The following RPS6KL1 variants were observed in gnomAD, a reference collection of about 807,000 sequenced individuals.
The protein encoded by RPS6KL1 is ribosomal protein S6 kinase like 1.
In RPS6KL1, 41 loss-of-function variants were observed where a neutral mutation model predicts 57.0. The ratio of observed to expected loss-of-function variants is 0.72; its 90% CI spans 0.56 to 0.93. The LOEUF is 0.93. Ranked by LOEUF, RPS6KL1 falls within the 40% of genes least tolerant of loss-of-function variation. The pLI is 0.00. For missense variants in RPS6KL1, 697 were observed against 727.7 expected (o/e 0.96, Z 0.49); for synonymous variants, 287 against 309.7 (o/e 0.93, Z 0.77).
intron 5 of RPS6KL1, among the ~76,000 whole-genome samples, chr14:74,912,710 T>C (rs1301029149): frequency 6.6e-6 from 1 of 152,084 alleles, no homozygotes; most frequent in East Asian, 1.9e-4. Flanking sequence ...AGTTTATCTA[T>C]GTGAAAAACC....
At position 74,918,587 on chromosome 14, in the gene RPS6KL1, G is replaced by A. The variant is rs1401462239; in HGVS notation, c.409C>T (p.Leu137Phe). The A allele has an allele frequency of 3.3e-6, 5 of 1,534,178 alleles. No homozygotes were observed. The highest frequency in any genetic ancestry group is 1.7e-4 in the Middle Eastern group (1 of 6,008). ...SPSAGFSSLR[L>F]RPIRTLSSAV... Reference sequence around the variant, plus strand: ...GAGCTCAGCGTGCGAATGGGCCGGAGCCTCAGGCTGCTGAAACCCTGCAGA... The same window carrying A: ...GAGCTCAGCGTGCGAATGGGCCGGAACCTCAGGCTGCTGAAACCCTGCAGA... The change falls in exon 5 of 12, where the codon CTC becomes TTC. Residue 137 changes from leucine (L) to phenylalanine (F), a missense_variant. Transcript: ENST00000557413.
In RPS6KL1 at chr14:74,919,827, T is replaced by TGGGG. The variant is rs60425478; in HGVS notation, c.390+14_390+17dup. On this transcript the variant is annotated intron_variant, in intron 4 of 11. Transcript: ENST00000557413. ...CCCTCCTCCCGCTCAGGCCTTTGGG[T>TGGGG]GGGGGGGGTCTCCTCACCGCGCTGG... 16 of 1,587,270 alleles carry TGGGG rather than the reference T, an allele frequency of 1.0e-5. No individual in the cohort carries two copies. The highest frequency in any genetic ancestry group is 1.7e-5 in the Admixed American group (1 of 59,566).
chr14:74,905,118 G>A lies in RPS6KL1; in HGVS notation c.*1896C>T, dbSNP rs905472553. The A allele has an allele frequency of 6.6e-6, 1 of 152,124 alleles. No individual in the cohort carries two copies. The highest frequency in any genetic ancestry group is 1.5e-5 in the Non-Finnish European group (1 of 68,014). The allele number at this position is 152,124 out of a possible 1,614,324, so 9.4% of individuals were successfully genotyped here. A position where few individuals can be genotyped will look rare whatever the true frequency, so the allele number is the denominator to read the frequency against. ...TAGGCATTATTTACCCCATTTTATC[G>A]AAAGGAGGTCGACTGTAAGAGCTGG... On this transcript the variant is annotated 3_prime_UTR_variant, in exon 12 of 12. Transcript: ENST00000557413.
chr14:74,913,604 T>C (rs1181156295), intron 5 of RPS6KL1, among the ~76,000 whole-genome samples: 2 of 152,052 alleles, frequency 1.3e-5, no homozygotes, highest in Non-Finnish European at 2.9e-5. Flanking sequence ...AAGCCCTTGG[T>C]GAGTGGAAAG....
intron 5 of RPS6KL1, among the ~76,000 whole-genome samples, chr14:74,912,786 G>A (rs1035110165): frequency 2.1e-4 from 32 of 152,334 alleles, no homozygotes; most frequent in African/African-American, 6.0e-4. Flanking sequence ...TTGAGAGGCC[G>A]TCTTTGGAGA....
rs1885644637 is a variant in RPS6KL1 at position 74,909,995 on chromosome 14, TGGCCAGGGGCATG to T, written c.805_817del (p.His269ArgfsTer17). On this transcript the variant is annotated frameshift_variant, in exon 8 of 12. Transcript: ENST00000557413. LOFTEE classifies it high-confidence loss of function. Reference sequence around the variant, plus strand: ...AGGAGGCTCCAGGGCGATTCTGTCCTGGCCAGGGGCATGGCCTGAGGGAAGCCTCGCTGGGGTC... The same window carrying T: ...AGGAGGCTCCAGGGCGATTCTGTCCTGCCTGAGGGAAGCCTCGCTGGGGTC... 1 of 1,613,932 alleles carries T rather than the reference TGGCCAGGGGCATG, an allele frequency of 6.2e-7. No individual in the cohort carries two copies. The highest frequency in any genetic ancestry group is 1.1e-5 in the South Asian group (1 of 91,086).
At chr14:74,911,626 T>C (rs1373358766) in intron 6 of RPS6KL1, 168 bp downstream of exon 6, 8 of 693,000 alleles carry the variant, frequency 1.2e-5, no homozygotes, top group East Asian at 5.4e-5. Flanking sequence ...TATGTGTGTG[T>C]GTGCATGCAT....
In RPS6KL1 at chr14:74,905,906, T is replaced by A. The variant is rs117720502; in HGVS notation, c.*1108A>T. ...CAGGGAGGAGCTGAGGGCAAAACTCTAGTGGAAATTTCCCAGGTCGGTCCC... is the reference window on the plus strand; with the variant it reads ...CAGGGAGGAGCTGAGGGCAAAACTCAAGTGGAAATTTCCCAGGTCGGTCCC... On this transcript the variant is annotated 3_prime_UTR_variant, in exon 12 of 12. Coordinates refer to ENST00000557413, the MANE Select transcript of RPS6KL1 (RefSeq NM_031464.5). 1 of 153,118 alleles carries A rather than the reference T, an allele frequency of 6.5e-6. No homozygotes were observed. The highest frequency in any genetic ancestry group is 1.5e-5 in the Non-Finnish European group (1 of 68,682). The allele number at this position is 153,118 out of a possible 1,614,324, so 9.5% of individuals were successfully genotyped here.
intron 2 of RPS6KL1, 168 bp from the exon 3 acceptor site, chr14:74,921,729 T>G: frequency 7.0e-7 from 1 of 1,424,324 alleles, no homozygotes; most frequent in Non-Finnish European, 9.1e-7. Flanking sequence ...CCTTCCTAAG[T>G]GGTGGTAATG....
At position 74,905,173 on chromosome 14, in the gene RPS6KL1, A is replaced by G. The variant is rs1011245303; in HGVS notation, c.*1841T>C. The G allele has an allele frequency of 6.6e-6, 1 of 152,174 alleles. No homozygotes were observed. The highest frequency in any genetic ancestry group is 2.4e-5 in the African/African-American group (1 of 41,426). 9.4% of individuals were successfully genotyped at this position (152,174 alleles called of 1,614,324 possible). ...CACAGTATTCTAAACTCAGGGCCCA[A>G]CAAAGTGTCAGATGTGTAGCTTTGG... On this transcript the variant is annotated 3_prime_UTR_variant, in exon 12 of 12. Transcript: ENST00000557413.
intron 5 of RPS6KL1, among the ~76,000 whole-genome samples, chr14:74,913,657 C>G (rs1886386477): frequency 6.6e-6 from 1 of 152,192 alleles, no homozygotes; most frequent in Admixed American, 6.5e-5. Context: ...GTCACATGGC[C>G]TCTCTGAACC....
At position 74,922,439 on chromosome 14, in the gene RPS6KL1, C is replaced by A; in HGVS notation, c.-482G>T. 1 of 645,854 alleles carries A rather than the reference C, an allele frequency of 1.5e-6. No homozygotes were observed. The highest frequency in any genetic ancestry group is 1.9e-6 in the Non-Finnish European group (1 of 518,736). 40.0% of individuals were successfully genotyped at this position (645,854 alleles called of 1,614,324 possible). On this transcript the variant is annotated 5_prime_UTR_variant, in exon 2 of 12. Coordinates refer to ENST00000557413, the MANE Select transcript of RPS6KL1 (RefSeq NM_031464.5). Reference sequence around the variant, plus strand: ...TCAGTGTGGTCAGCGAGTGAGGACCCCTCCTGGAGCCAGCAGAGAGCAGAG... The same window carrying A: ...TCAGTGTGGTCAGCGAGTGAGGACCACTCCTGGAGCCAGCAGAGAGCAGAG...
rs1885951016 is a variant in RPS6KL1 at position 74,911,389 on chromosome 14, A to AGCAGG, written c.532-14_532-10dup. The AGCAGG allele has an allele frequency of 3.7e-6, 6 of 1,600,958 alleles. No individual in the cohort carries two copies. In the East Asian group the frequency reaches 1.3e-4, roughly 36 times the overall value. Reference sequence around the variant, plus strand: ...TGGCACCTGGGTAGGCTCTGGGAGCAGCAGGGCAGGCAGATCAGCCGGGGA... The same window carrying AGCAGG: ...TGGCACCTGGGTAGGCTCTGGGAGCAGCAGGGCAGGGCAGGCAGATCAGCCGGGGA... On this transcript the variant is annotated splice_polypyrimidine_tract_variant and intron_variant, in intron 6 of 11. Coordinates refer to ENST00000557413, the MANE Select transcript of RPS6KL1 (RefSeq NM_031464.5).
intron 5 of RPS6KL1, among the ~76,000 whole-genome samples, 183 bp downstream of exon 5, chr14:74,918,330 G>GA (rs1887206727): frequency 6.6e-6 from 1 of 152,146 alleles, no homozygotes; most frequent in Non-Finnish European, 1.5e-5. Flanking sequence ...AGGGATGGGG[G>GA]AGAGGTGGGA....
Position 74,905,089 on chromosome 14 carries a change from A to G in RPS6KL1, c.*1925T>C, listed in dbSNP as rs1452449773. On this transcript the variant is annotated 3_prime_UTR_variant, in exon 12 of 12. Transcript: ENST00000557413. ...TAATTTATCTATCTGGTAAACCTGC[A>G]AAATAGGCATTATTTACCCCATTTT... is the stretch of plus-strand genomic sequence containing the variant. The G allele has an allele frequency of 6.6e-6, 1 of 152,252 alleles. No homozygotes were observed. The highest frequency in any genetic ancestry group is 1.5e-5 in the Non-Finnish European group (1 of 68,044). The allele number at this position is 152,252 out of a possible 1,614,324, so 9.4% of individuals were successfully genotyped here. A position where few individuals can be genotyped will look rare whatever the true frequency, so the allele number is the denominator to read the frequency against.
chr14:74,907,040 T>A lies in RPS6KL1; in HGVS notation c.1624A>T (p.Ile542Phe), dbSNP rs1262405625. ...TACCCCACCAGCTTGCTCCATTGGA[T>A]GGTACTGAAAAAGGGATGGGACTTG... ...KLKSHPFFST[I>F]QWSKLVG The change falls in exon 12 of 12, where the codon ATC (isoleucine) becomes TTC (phenylalanine). Residue 542 changes from isoleucine (I) to phenylalanine (F), a missense_variant. Ile to Phe is a conservative substitution (Grantham distance 21). Coordinates refer to ENST00000557413, the MANE Select transcript of RPS6KL1 (RefSeq NM_031464.5). 1 of 1,613,060 alleles carries A rather than the reference T, an allele frequency of 6.2e-7. No individual in the cohort carries two copies. Among genetic ancestry groups the A allele is most frequent in the Non-Finnish European group, 8.5e-7 (1 of 1,179,646 alleles).
intron 2 of RPS6KL1, 110 bp downstream of exon 2, chr14:74,921,868 C>G (rs1887918585): frequency 4.0e-6 from 2 of 494,868 alleles, no homozygotes; most frequent in Admixed American, 1.0e-4. Flanking sequence ...ACCTCCACTT[C>G]CCAGGTTCAA....
In RPS6KL1 at chr14:74,917,075, G is replaced by A. The variant is rs1594942225; in HGVS notation, c.483+1438C>T. On this transcript the variant is annotated intron_variant, in intron 5 of 11. Coordinates refer to ENST00000557413, the MANE Select transcript of RPS6KL1 (RefSeq NM_031464.5). ...GCAGATGGAAGCTGGCAGGGCCTGCGCTGACAGTCTGGGACCTGCCCCAGG... is the reference window on the plus strand; with the variant it reads ...GCAGATGGAAGCTGGCAGGGCCTGCACTGACAGTCTGGGACCTGCCCCAGG... 2.0e-5 allele frequency among the ~76,000 whole-genome samples: 3 copies of A among 152,212 alleles called. 1 individual carries two copies. The South Asian group carries it at 6.2e-4, about 31-fold the overall frequency.
intron 1 of RPS6KL1, 138 bp downstream of exon 1, chr14:74,923,042 G>C (rs979864280): frequency 1.3e-5 from 2 of 152,336 alleles, no homozygotes; most frequent in African/African-American, 4.8e-5. Context: ...CAGAGCCGCC[G>C]GCCCCGCCTG....
Sources: allele counts gnomAD v4.1 joint callset (sites outside exome capture counted in the v4.1 genomes callset), GRCh38; gene constraint gnomAD v4.1.1; transcripts MANE v1.5; gene names NCBI Gene and HGNC (gene_info 2026-07-23, HGNC 2026-07-21).